The following VAT1L variants were observed in gnomAD, a reference collection of about 807,000 sequenced individuals.
VAT1L encodes vesicle amine transport 1 like, also known as putative NADPH-dependent quinone oxidoreductase VAT1L.
VAT1L carries 34 observed loss-of-function variants against 44.1 expected under a neutral mutation model. That is an observed-to-expected ratio of 0.77 (90% CI 0.59 to 1.03). VAT1L has a LOEUF of 1.03. VAT1L is among the 50% of genes least tolerant of loss of function. The pLI, the probability that VAT1L is intolerant of heterozygous loss-of-function variation, is 0.00. For missense variants in VAT1L, 615 were observed against 538.8 expected, an observed-to-expected ratio of 1.14 and a Z score of -1.40; for synonymous variants, 253 against 202.2, an observed-to-expected ratio of 1.25 and a Z score of -2.13.
chr16:77,828,335 C>T (rs546769644), intron 3 of VAT1L, among the ~76,000 whole-genome samples: 2 of 152,336 alleles, frequency 1.3e-5, no homozygotes, highest in African/African-American at 2.4e-5. Flanking sequence ...CTGCGTTATT[C>T]AGGATGACCC....
chr16:77,847,259 T>C (rs573249946), intron 3 of VAT1L, among the ~76,000 whole-genome samples: 1 of 151,748 alleles, frequency 6.6e-6, no homozygotes, highest in Admixed American at 6.6e-5. Context: ...CTGATGTGCC[T>C]TTACTTCTTT....
At position 77,876,419 on chromosome 16, in the gene VAT1L, A is replaced by G; in HGVS notation, c.772A>G (p.Asn258Asp). 6.2e-7 allele frequency: 1 copy of G among 1,614,184 alleles called. No homozygotes were observed. The highest frequency in any genetic ancestry group is 8.5e-7 in the Non-Finnish European group (1 of 1,180,024). ...DIVLDCLCGD[N>D]TGKGLSLLKP... ...CGTTTTGGATTGCCTCTGTGGGGAC[A>G]ACACTGGAAAAGGTCTCAGTCTTCT... Residue 258 changes from asparagine (N) to aspartate (D), a missense_variant, in exon 5 of 9, where the codon AAC becomes GAC. Physicochemically the swap from Asn to Asp is conservative, Grantham distance 23. Coordinates refer to ENST00000302536, the MANE Select transcript of VAT1L (RefSeq NM_020927.3).
intron 2 of VAT1L, among the ~76,000 whole-genome samples, chr16:77,817,555 G>A (rs2016377884): frequency 1.3e-5 from 2 of 152,198 alleles, no homozygotes; most frequent in Admixed American, 1.3e-4. Flanking sequence ...GGATGAAGAA[G>A]ATGTTAAAGT....
chr16:77,938,967 C>G (rs141455272), intron 7 of VAT1L, among the ~76,000 whole-genome samples: 2,075 of 152,076 alleles, frequency 0.014, 12 homozygotes, highest in Non-Finnish European at 0.021. Flanking sequence ...TGGTGTGACC[C>G]TGGATCTTCT....
At chr16:77,816,116 G>A (rs1210205607) in intron 1 of VAT1L, among the ~76,000 whole-genome samples, 1 of 151,794 alleles carries the variant, frequency 6.6e-6, no homozygotes, top group Non-Finnish European at 1.5e-5. Flanking sequence ...AAGAGTCCAG[G>A]AGCATTGCTA....
rs2017983430 is a variant in VAT1L at position 77,947,479 on chromosome 16, C to T, written c.1078-24371C>T. Among the ~76,000 whole-genome samples the T allele has an allele frequency of 2.0e-5, 3 of 152,180 alleles. No individual in the cohort carries two copies. In the East Asian group the frequency reaches 5.8e-4, roughly 29 times the overall value. The stretch of plus-strand genomic sequence containing the variant: ...TCCATAATTCCCAGTTGTCATTGGT[C>T]TCCCAGTTTCTCCCCATCCAGGGCC... On this transcript the variant is annotated intron_variant, in intron 7 of 8. Transcript: ENST00000302536.
At chr16:77,918,142 C>T (rs2017570283) in intron 7 of VAT1L, among the ~76,000 whole-genome samples, 1 of 152,144 alleles carries the variant, frequency 6.6e-6, no homozygotes, top group African/African-American at 2.4e-5. Context: ...AAGGAACTTG[C>T]TAATTGGCTC....
intron 7 of VAT1L, among the ~76,000 whole-genome samples, chr16:77,968,388 A>G (rs2142541677): frequency 6.6e-6 from 1 of 152,332 alleles, no homozygotes; most frequent in African/African-American, 2.4e-5. Flanking sequence ...AAAGAGGAGG[A>G]ACACGTTCAC....
chr16:77,935,044 G>A (rs139460955), intron 7 of VAT1L, among the ~76,000 whole-genome samples: 37 of 152,168 alleles, frequency 2.4e-4, no homozygotes, highest in Middle Eastern at 6.8e-3. Context: ...CTGGTACCAC[G>A]GAATGTTTCT....
Position 77,971,874 on chromosome 16 carries a change from C to A in VAT1L, c.1102C>A (p.His368Asn), listed in dbSNP as rs1427516221. Residue 368 changes from histidine to asparagine, a missense_variant, in exon 8 of 9, where the codon CAC becomes AAC. Coordinates refer to ENST00000302536, the MANE Select transcript of VAT1L (RefSeq NM_020927.3). Reference sequence around the variant, plus strand: ...GGTGAAGGAGGCCATGCAGCGGATTCACGACCGAGGGAACATTGGCAAGTT... The same window carrying A: ...GGTGAAGGAGGCCATGCAGCGGATTAACGACCGAGGGAACATTGGCAAGTT... The part of the protein sequence containing the change: ...EEVKEAMQRI[H>N]DRGNIGKLIL... 2 of 1,613,734 alleles carry A rather than the reference C, an allele frequency of 1.2e-6. No homozygotes were observed. The highest frequency in any genetic ancestry group is 1.7e-6 in the Non-Finnish European group (2 of 1,179,886).
At position 77,788,615 on chromosome 16, in the gene VAT1L, G is replaced by C. The variant is rs1275164783; in HGVS notation, c.-68G>C. ...AACAGGAGGAACCCGCGGGAGAGGA[G>C]CCCCACTCCCCCAGCGCCGCAGCCA... On this transcript the variant is annotated 5_prime_UTR_variant, in exon 1 of 9. Coordinates refer to ENST00000302536, the MANE Select transcript of VAT1L (RefSeq NM_020927.3). The C allele has an allele frequency of 5.3e-5, 80 of 1,516,678 alleles. No homozygotes were observed. Among genetic ancestry groups the C allele is most frequent in the Non-Finnish European group, 6.6e-5 (74 of 1,123,776 alleles). 94.0% of individuals were successfully genotyped at this position (1,516,678 alleles called of 1,614,324 possible).
At chr16:77,798,561 T>G (rs2015981628) in intron 1 of VAT1L, among the ~76,000 whole-genome samples, 1 of 152,132 alleles carries the variant, frequency 6.6e-6, no homozygotes, top group African/African-American at 2.4e-5. Context: ...ATAGAAGATG[T>G]GTTTGATAGA....
intron 8 of VAT1L, among the ~76,000 whole-genome samples, chr16:77,975,398 G>T (rs186681236): frequency 9.6e-4 from 146 of 151,988 alleles, no homozygotes; most frequent in African/African-American, 3.4e-3. Context: ...TTTTAGTAGA[G>T]ATGGGGTTTC....
At chr16:77,818,763 G>A (rs2016398542) in intron 2 of VAT1L, among the ~76,000 whole-genome samples, 1 of 152,176 alleles carries the variant, frequency 6.6e-6, no homozygotes, top group Non-Finnish European at 1.5e-5. Flanking sequence ...ACTTGTGGCT[G>A]CACAAAAAAA....
intron 7 of VAT1L, among the ~76,000 whole-genome samples, chr16:77,936,339 A>C (rs747013834): frequency 5.3e-5 from 8 of 152,160 alleles, no homozygotes; most frequent in Non-Finnish European, 1.0e-4. Flanking sequence ...AGGCTTTCTG[A>C]CTTGCCCAGG....
chr16:77,826,268 T>C (rs1293022689), intron 3 of VAT1L, among the ~76,000 whole-genome samples: 2 of 152,040 alleles, frequency 1.3e-5, no homozygotes, highest in South Asian at 4.2e-4. Flanking sequence ...GATGAAAAGT[T>C]GTGTCAATCA....
At chr16:77,910,673 C>CAAAAAAAAAAAAAA (rs3038773) in intron 7 of VAT1L, among the ~76,000 whole-genome samples, 11 of 82,958 alleles carry the variant, frequency 1.3e-4, no homozygotes, top group Non-Finnish European at 1.9e-4. Context: ...GACTCCTTCT[C>CAAAAAAAAAAAAAA]AAAAAAAAAA....
intron 3 of VAT1L, among the ~76,000 whole-genome samples, chr16:77,837,530 C>T (rs2016652549): frequency 6.6e-6 from 1 of 152,146 alleles, no homozygotes; most frequent in South Asian, 2.1e-4. Context: ...ATCTCAGTAC[C>T]CAGCACATTG....
intron 7 of VAT1L, among the ~76,000 whole-genome samples, chr16:77,945,878 C>G (rs2017955756): frequency 6.6e-6 from 1 of 151,442 alleles, no homozygotes; most frequent in South Asian, 2.1e-4. Flanking sequence ...TCTCAGCTCA[C>G]TGCCCCCTCT....
Sources: gnomAD v4.1 joint callset for allele counts (sites outside exome capture counted in the v4.1 genomes callset) on GRCh38, gnomAD v4.1.1 for gene constraint, MANE v1.5 for transcripts, NCBI Gene and HGNC (gene_info 2026-07-23, HGNC 2026-07-21) for gene names.